The following RBAK variants were observed in gnomAD, a reference collection of about 807,000 sequenced individuals.
RBAK encodes the protein RB associated KRAB zinc finger.
RBAK carries 39 observed loss-of-function variants against 65.8 expected under a neutral mutation model. The ratio of observed to expected loss-of-function variants is 0.59; its 90% confidence interval spans 0.46 to 0.77. The LOEUF (loss-of-function observed/expected upper bound fraction) is 0.77, where lower values mean the gene tolerates loss of function less well. Among genes scored for constraint, RBAK ranks in the 30% least tolerant of loss-of-function variants. The pLI is 0.00. For synonymous variants in RBAK, 343 were observed against 289.7 expected (o/e 1.18, Z -1.87); for missense variants, 884 against 855.1 (o/e 1.03, Z -0.42).
intron 4 of RBAK, among the ~76,000 whole-genome samples, chr7:5,058,919 G>A (rs530734180): frequency 5.1e-4 from 77 of 152,096 alleles, no homozygotes; most frequent in Non-Finnish European, 1.1e-3. Flanking sequence ...AAATTGATAC[G>A]TCTGACACTT....
At chr7:5,052,785 A>G (rs112748641) in intron 2 of RBAK, among the ~76,000 whole-genome samples, 5,825 of 152,000 alleles carry the variant, frequency 0.038, 413 homozygotes, top group African/African-American at 0.13. Context: ...TTTGAGTTGG[A>G]GTCTCACTCT....
intron 1 of RBAK, among the ~76,000 whole-genome samples, chr7:5,046,687 G>A (rs1203455107): frequency 4.6e-5 from 7 of 152,106 alleles, no homozygotes; most frequent in Non-Finnish European, 1.0e-4. Context: ...TCCAGATTTC[G>A]ACCTCCTCTA....
Position 5,057,727 on chromosome 7 carries a change from G to A in RBAK, c.186G>A (p.Gln62=). 6.2e-7 allele frequency: 1 copy of A among 1,613,904 alleles called. No individual in the cohort carries two copies. Among genetic ancestry groups the A allele is most frequent in the Non-Finnish European group, 8.5e-7 (1 of 1,179,828 alleles). Residue 62 remains glutamine, a synonymous_variant, in exon 4 of 5, where the codon CAG becomes CAA. Transcript: ENST00000396912. ...CAAACGTCATCATTAAGTTGGAGCA[G>A]GGAGAGGAGCCGTGGATAATGGGAG... ...TKPNVIIKLE[Q]GEEPWIMGGE...
rs1404590113 is a variant in RBAK, at chr7:5,049,966, G to A, written c.15+1875G>A. On this transcript the variant is annotated intron_variant, in intron 2 of 4. Transcript: ENST00000396912. ...ACTCCTGAGCTCAGGCAGTCTGCCCGCCTCGGCCTCCCAAAATGCTAGGAT... is the reference window on the plus strand; with the variant it reads ...ACTCCTGAGCTCAGGCAGTCTGCCCACCTCGGCCTCCCAAAATGCTAGGAT... Among the ~76,000 whole-genome samples the A allele has an allele frequency of 9.2e-5, 14 of 152,004 alleles. 1 individual carries two copies. Among genetic ancestry groups the A allele is most frequent in the South Asian group, 6.2e-4 (3 of 4,808 alleles).
intron 2 of RBAK, among the ~76,000 whole-genome samples, chr7:5,052,162 T>G (rs766338058): frequency 1.3e-5 from 2 of 152,238 alleles, no homozygotes; most frequent in Admixed American, 6.5e-5. Context: ...ATGTACTTTG[T>G]TATTTATGTA....
chr7:5,058,450 C>T (rs935977841), intron 4 of RBAK, among the ~76,000 whole-genome samples: 8 of 152,148 alleles, frequency 5.3e-5, no homozygotes, highest in African/African-American at 1.9e-4. Context: ...TTCCTTTTAT[C>T]TTCCATTTTC....
chr7:5,064,573 T>TGA lies in RBAK; in HGVS notation c.1117_1118insGA (p.Tyr373Ter), dbSNP rs1392298453. The change falls in exon 5 of 5, where the codon TAT becomes TGAAT. Residue 373 changes from tyrosine (Y) to a stop codon, truncating the protein, a stop_gained and frameshift_variant. Transcript: ENST00000396912. LOFTEE classifies it high-confidence loss of function. This position sits in a 1 kb window ranked among gnomAD's most constrained non-coding sequence, Gnocchi z 6.3. ...HQRNHSGERP[Y>*]PCNECGKSFS... ...GAGGAATCATTCAGGAGAGAGGCCC[T>TGA]ATCCATGTAACGAATGTGGGAAATC... is the stretch of plus-strand genomic sequence containing the variant. 1 of 1,613,964 alleles carries TGA rather than the reference T, an allele frequency of 6.2e-7. No individual in the cohort carries two copies. The highest frequency in any genetic ancestry group is 8.5e-7 in the Non-Finnish European group (1 of 1,179,962).
rs1787973171 is a variant in RBAK at position 5,046,108 on chromosome 7, A to T, written c.-333A>T. On this transcript the variant is annotated 5_prime_UTR_variant, in exon 1 of 5. Transcript: ENST00000396912. ...AGAGGGGCCGGACGGGAGGTGGCGG[A>T]GGTGGCGGCGGAGGCGAAGGGGCGG... The T allele has an allele frequency of 3.2e-6, 1 of 314,412 alleles. No individual in the cohort carries two copies. Among genetic ancestry groups the T allele is most frequent in the Middle Eastern group, 1.1e-3 (1 of 894 alleles). The allele number at this position is 314,412 out of a possible 1,614,324, so 19.5% of individuals were successfully genotyped here.
intron 4 of RBAK, 51 bp downstream of exon 4, chr7:5,057,830 G>A (rs2115036885): frequency 6.2e-7 from 1 of 1,605,256 alleles, no homozygotes; most frequent in Non-Finnish European, 8.5e-7. Context: ...CAGACCTTTG[G>A]GAGAGACTAA....
At chr7:5,050,957 G>A (rs1260917134) in intron 2 of RBAK, among the ~76,000 whole-genome samples, 1 of 152,146 alleles carries the variant, frequency 6.6e-6, no homozygotes, top group East Asian at 1.9e-4. Flanking sequence ...TGTTGAGTAG[G>A]CTTCTAAGCA....
In RBAK at chr7:5,065,725, T is replaced by C; in HGVS notation, c.*124T>C. 1.6e-6 allele frequency: 1 copy of C among 632,524 alleles called. No individual in the cohort carries two copies. Among genetic ancestry groups the C allele is most frequent in the Admixed American group, 3.7e-5 (1 of 26,966 alleles). The allele number at this position is 632,524 out of a possible 1,614,324, so 39.2% of individuals were successfully genotyped here. On this transcript the variant is annotated 3_prime_UTR_variant, in exon 5 of 5. Coordinates refer to ENST00000396912, the MANE Select transcript of RBAK (RefSeq NM_021163.4). This position sits in a 1 kb window ranked among gnomAD's most constrained non-coding sequence, Gnocchi z 5.3. ...GGTGAGAAGCATTTAGGCATTAGAG[T>C]CATTTTAATCCAAATTTTCACAGAG...
Position 5,063,879 on chromosome 7 carries a change from A to G in RBAK, c.423A>G (p.Gly141=). Residue 141 remains glycine, a synonymous_variant, in exon 5 of 5, where the codon GGA becomes GGG. Transcript: ENST00000396912. ...TAGCTCATAATTGTGTCTCATGTGG[A>G]AAGAATTTAGAATCTATTTCGCAAT... ...SIIAHNCVSC[G]KNLESISQLI... The G allele has an allele frequency of 6.2e-7, 1 of 1,614,092 alleles. No individual in the cohort carries two copies. Among genetic ancestry groups the G allele is most frequent in the East Asian group, 2.2e-5 (1 of 44,862 alleles).
chr7:5,063,275 T>A (rs1036383916), intron 4 of RBAK, among the ~76,000 whole-genome samples: 14 of 152,222 alleles, frequency 9.2e-5, no homozygotes, highest in Admixed American at 8.5e-4. Flanking sequence ...GTCCCTGACT[T>A]CCCACAACAC....
In RBAK at chr7:5,046,170, C is replaced by T; in HGVS notation, c.-271C>T. The stretch of plus-strand genomic sequence containing the variant: ...CCTGGCCCGTGTGTGTCCTGGCGGC[C>T]TGGCCCAGGCTGCCGCTGTACGGTG... On this transcript the variant is annotated 5_prime_UTR_variant, in exon 1 of 5. Coordinates refer to ENST00000396912, the MANE Select transcript of RBAK (RefSeq NM_021163.4). 2.3e-6 allele frequency: 1 copy of T among 435,996 alleles called. No homozygotes were observed. The highest frequency in any genetic ancestry group is 1.6e-5 in the South Asian group (1 of 60,858). The allele number at this position is 435,996 out of a possible 1,614,324, so 27.0% of individuals were successfully genotyped here.
Position 5,048,188 on chromosome 7 carries a change from T to A in RBAK, c.15+97T>A. ...TCTTACCTTTTTTTTTTTCTTTTTT[T>A]TTGAGATGGAGTCTTGCTCTGTTGC... is the stretch of plus-strand genomic sequence containing the variant. On this transcript the variant is annotated intron_variant, in intron 2 of 4. Coordinates refer to ENST00000396912, the MANE Select transcript of RBAK (RefSeq NM_021163.4). The surrounding 1 kb of genome is among the most constrained non-coding windows in gnomAD (Gnocchi z 4.4). 2 of 1,555,102 alleles carry A rather than the reference T, an allele frequency of 1.3e-6. No homozygotes were observed. Among genetic ancestry groups the A allele is most frequent in the African/African-American group, 1.4e-5 (1 of 72,160 alleles).
At chr7:5,051,116 C>G (rs1788106640) in intron 2 of RBAK, among the ~76,000 whole-genome samples, 1 of 151,928 alleles carries the variant, frequency 6.6e-6, no homozygotes, top group Non-Finnish European at 1.5e-5. Context: ...TTTCTGAGTC[C>G]TTTTGAAATA....
rs1288429354 is a variant in RBAK at position 5,064,629 on chromosome 7, T to A, written c.1173T>A (p.His391Gln). Reference protein sequence around the residue: ...SFSRKSALSDHQRTHTGEKLY... With the variant: ...SFSRKSALSDQQRTHTGEKLY... ...CCCGCAAGTCTGCTCTCAGTGACCA[T>A]CAGAGAACTCACACGGGAGAGAAGC... The change falls in exon 5 of 5, where the codon CAT becomes CAA. Residue 391 changes from histidine to glutamine, a missense_variant. Transcript: ENST00000396912. The surrounding 1 kb of genome is among the most constrained non-coding windows in gnomAD (Gnocchi z 6.3). 1.2e-6 allele frequency: 2 copies of A among 1,613,484 alleles called. No individual in the cohort carries two copies. Among genetic ancestry groups the A allele is most frequent in the Non-Finnish European group, 8.5e-7 (1 of 1,179,632 alleles).
chr7:5,064,806 T>A lies in RBAK; in HGVS notation c.1350T>A (p.Ser450Arg), dbSNP rs1256555758. The A allele has an allele frequency of 1.1e-5, 18 of 1,613,942 alleles. No individual in the cohort carries two copies. Among genetic ancestry groups the A allele is most frequent in the Non-Finnish European group, 1.5e-5 (18 of 1,179,966 alleles). The change falls in exon 5 of 5, where the codon AGT becomes AGA. Residue 450 changes from serine (S) to arginine (R), a missense_variant. Ser to Arg is a moderately radical substitution (Grantham distance 110). Coordinates refer to ENST00000396912, the MANE Select transcript of RBAK (RefSeq NM_021163.4). The surrounding 1 kb of genome is among the most constrained non-coding windows in gnomAD (Gnocchi z 6.3). Reference protein sequence around the residue: ...RVSYLTIHYRSHLEEKPYECN... With the variant: ...RVSYLTIHYRRHLEEKPYECN... ...CATACCTCACTATACATTATAGAAG[T>A]CATTTAGAAGAGAAACCCTATGAAT...
Position 5,063,888 on chromosome 7 carries a change from A to G in RBAK, c.432A>G (p.Leu144=). 1.2e-6 allele frequency: 2 copies of G among 1,614,106 alleles called. No individual in the cohort carries two copies. ...AHNCVSCGKN[L]ESISQLISSD... ...ATTGTGTCTCATGTGGAAAGAATTT[A>G]GAATCTATTTCGCAATTAATTAGTA... Residue 144 remains leucine (L), a synonymous_variant, in exon 5 of 5, where the codon TTA becomes TTG. Coordinates refer to ENST00000396912, the MANE Select transcript of RBAK (RefSeq NM_021163.4).
Sources: gnomAD v4.1 joint callset for allele counts (sites outside exome capture counted in the v4.1 genomes callset) on GRCh38, gnomAD v4.1.1 for gene constraint, Gnocchi (gnomAD v3.1) non-coding constraint, MANE v1.5 for transcripts, NCBI Gene and HGNC (gene_info 2026-07-23, HGNC 2026-07-21) for gene names.